The following CAMK1D variants were observed in gnomAD, a reference collection of about 807,000 sequenced individuals.
CAMK1D encodes calcium/calmodulin-dependent protein kinase type 1D.
A neutral mutation model predicts 47.7 loss-of-function variants in CAMK1D; 9 were observed. That is an observed-to-expected ratio of 0.19 (90% CI 0.11 to 0.33). The LOEUF is 0.33. Ranked by LOEUF, CAMK1D falls within the 10% of genes least tolerant of loss-of-function variation. CAMK1D has a pLI of 1.00. For synonymous variants in CAMK1D, 184 were observed against 184.9 expected, an observed-to-expected ratio of 0.99 and a Z score of 0.04; for missense variants, 291 against 488.7, an observed-to-expected ratio of 0.60 and a Z score of 3.81.
At chr10:12,523,154 G>C (rs1380497666) in intron 1 of CAMK1D, among the ~76,000 whole-genome samples, 3 of 151,596 alleles carry the variant, frequency 2.0e-5, no homozygotes, top group Non-Finnish European at 4.4e-5. Context: ...ACGGGGTCGC[G>C]GCTGGGCAGA....
Position 12,553,368 on chromosome 10 carries a change from AG to A in CAMK1D, c.224+15del. The A allele has an allele frequency of 1.9e-6, 3 of 1,592,024 alleles. No individual in the cohort carries two copies. Among genetic ancestry groups the A allele is most frequent in the Non-Finnish European group, 2.6e-6 (3 of 1,160,008 alleles). ...GCCGTCCTGAGAAAGTAAGTGCTGG[AG>A]GGCAACCCTCCTCCCTTCCCTACCT... On this transcript the variant is annotated intron_variant, in intron 2 of 10. Coordinates refer to ENST00000619168, the MANE Select transcript of CAMK1D (RefSeq NM_153498.4).
chr10:12,555,074 C>T (rs1836718796), intron 2 of CAMK1D, among the ~76,000 whole-genome samples: 1 of 152,170 alleles, frequency 6.6e-6, no homozygotes, highest in Admixed American at 6.5e-5. Context: ...TGGAAATATC[C>T]TTGAAATTTT....
At chr10:12,796,142 C>T (rs1838187120) in intron 6 of CAMK1D, among the ~76,000 whole-genome samples, 1 of 152,176 alleles carries the variant, frequency 6.6e-6, no homozygotes, top group African/African-American at 2.4e-5. Flanking sequence ...AAATTATGCT[C>T]AAGTATGCTG....
chr10:12,761,141 C>T (rs572458758), intron 4 of CAMK1D, 55 bp downstream of exon 4: 166 of 1,586,462 alleles, frequency 1.0e-4, no homozygotes, highest in Admixed American at 7.0e-4. Flanking sequence ...GCAATGCACG[C>T]GACCAAGAGG....
At chr10:12,599,363 C>T (rs1279448265) in intron 2 of CAMK1D, among the ~76,000 whole-genome samples, 2 of 152,078 alleles carry the variant, frequency 1.3e-5, no homozygotes, top group African/African-American at 2.4e-5. Context: ...AAGGTGTCTC[C>T]TGGAGCTGGA....
chr10:12,571,666 C>G (rs1428588906), intron 2 of CAMK1D, among the ~76,000 whole-genome samples: 10 of 152,094 alleles, frequency 6.6e-5, no homozygotes. Flanking sequence ...AGTGTTGCCT[C>G]CATTGTAACA....
chr10:12,829,051 T>G lies in CAMK1D; in HGVS notation c.*164T>G, dbSNP rs879192005. 3.1e-5 allele frequency: 18 copies of G among 574,928 alleles called. No homozygotes were observed. The South Asian group carries it at 3.4e-4, about 11-fold the overall frequency. The allele number at this position is 574,928 out of a possible 1,614,324, so 35.6% of individuals were successfully genotyped here. A position where few individuals can be genotyped will look rare whatever the true frequency, so the allele number is the denominator to read the frequency against. ...ATGGCCATATTTTCTACTGCAATTC[T>G]GAAGTGTTCATTTCTCACAAACTGT... On this transcript the variant is annotated 3_prime_UTR_variant, in exon 11 of 11. Coordinates refer to ENST00000619168, the MANE Select transcript of CAMK1D (RefSeq NM_153498.4).
At chr10:12,650,830 C>T (rs545222542) in intron 2 of CAMK1D, among the ~76,000 whole-genome samples, 2 of 152,172 alleles carry the variant, frequency 1.3e-5, no homozygotes. Flanking sequence ...AGCATCATCC[C>T]TCACTCTACA....
intron 1 of CAMK1D, among the ~76,000 whole-genome samples, chr10:12,455,069 C>T (rs1833201553): frequency 6.6e-6 from 1 of 152,196 alleles, no homozygotes; most frequent in South Asian, 2.1e-4. Flanking sequence ...TGGATGAAAG[C>T]TTCCCTCGAG....
chr10:12,632,773 C>G (rs1330185441), intron 2 of CAMK1D, among the ~76,000 whole-genome samples: 1 of 152,142 alleles, frequency 6.6e-6, no homozygotes, highest in Non-Finnish European at 1.5e-5. Context: ...CGGCTCCCTG[C>G]AACCTCCAAC....
chr10:12,636,951 C>A (rs985111913), intron 2 of CAMK1D, among the ~76,000 whole-genome samples: 3 of 152,094 alleles, frequency 2.0e-5, no homozygotes, highest in African/African-American at 7.2e-5. Context: ...TCTGTAAAAG[C>A]AACTCAGAAT....
chr10:12,751,521 C>G (rs1360829117), intron 3 of CAMK1D, among the ~76,000 whole-genome samples: 2 of 152,196 alleles, frequency 1.3e-5, no homozygotes, highest in Non-Finnish European at 1.5e-5. Flanking sequence ...ATTGCCCTGC[C>G]TTCGTGGAGT....
intron 2 of CAMK1D, among the ~76,000 whole-genome samples, chr10:12,582,381 G>A (rs1040531907): frequency 1.6e-4 from 25 of 152,052 alleles, no homozygotes; most frequent in Middle Eastern, 3.4e-3. Flanking sequence ...CTCTTTTTTG[G>A]TGCCATATGA....
intron 6 of CAMK1D, among the ~76,000 whole-genome samples, chr10:12,801,819 A>T (rs1178699218): frequency 6.6e-6 from 1 of 152,200 alleles, no homozygotes; most frequent in Non-Finnish European, 1.5e-5. Context: ...TCCAATATTT[A>T]TATAAAGTGG....
intron 3 of CAMK1D, among the ~76,000 whole-genome samples, chr10:12,674,184 A>G (rs546989224): frequency 6.6e-6 from 1 of 152,204 alleles, no homozygotes; most frequent in East Asian, 1.9e-4. Context: ...ACCTCAAGCA[A>G]TCCTCCCAGT....
chr10:12,404,199 C>T lies in CAMK1D; in HGVS notation c.92+54289C>T, dbSNP rs547872668. Among the ~76,000 whole-genome samples, 18 of 152,206 alleles carry T rather than the reference C, an allele frequency of 1.2e-4. No individual in the cohort carries two copies. In the South Asian group the frequency reaches 3.5e-3, roughly 30 times the overall value. ...TAGTTGGGATTACAGGTGTCCGCCACCGCGCCCAGCTAATTTTGTATTTTT... is the reference window on the plus strand; with the variant it reads ...TAGTTGGGATTACAGGTGTCCGCCATCGCGCCCAGCTAATTTTGTATTTTT... On this transcript the variant is annotated intron_variant, in intron 1 of 10. Transcript: ENST00000619168.
rs553513214 is a variant in CAMK1D, at chr10:12,821,929, G to A, written c.834-2536G>A. On this transcript the variant is annotated intron_variant, in intron 8 of 10. Coordinates refer to ENST00000619168, the MANE Select transcript of CAMK1D (RefSeq NM_153498.4). ...GCGGAGGTTGCAGTGAGTCGAGATC[G>A]CACCACTGCCCTCCAGCCTGGGCGA... Among the ~76,000 whole-genome samples, 93 of 152,172 alleles carry A rather than the reference G, an allele frequency of 6.1e-4. 1 individual carries two copies. The highest frequency in any genetic ancestry group is 2.1e-3 in the African/African-American group (86 of 41,514).
chr10:12,434,719 G>A (rs548080108), intron 1 of CAMK1D, among the ~76,000 whole-genome samples: 1 of 152,344 alleles, frequency 6.6e-6, no homozygotes, highest in South Asian at 2.1e-4. Flanking sequence ...TGAACGGTGT[G>A]TAAATACACA....
chr10:12,523,954 C>T (rs538007920), intron 1 of CAMK1D, among the ~76,000 whole-genome samples: 82 of 151,958 alleles, frequency 5.4e-4, no homozygotes, highest in African/African-American at 1.8e-3. Context: ...AGGCTTGGCG[C>T]GATCTCGGCT....
Sources: gnomAD v4.1 joint callset for allele counts (sites outside exome capture counted in the v4.1 genomes callset) on GRCh38, gnomAD v4.1.1 for gene constraint, MANE v1.5 for transcripts, NCBI Gene and HGNC (gene_info 2026-07-23, HGNC 2026-07-21) for gene names.